Variants in FMN1 observed in about 807,000 individuals in gnomAD.
FMN1 encodes formin-1.
FMN1 carries 110 observed loss-of-function variants against 132.4 expected under a neutral mutation model. The observed-to-expected ratio is 0.83, with a 90% CI of 0.71 to 0.97. FMN1 has a LOEUF of 0.97. Ranked by LOEUF, FMN1 falls within the 50% of genes least tolerant of loss-of-function variation. The pLI is 0.00. For missense variants in FMN1, 1,792 were observed against 1,705.3 expected, an observed-to-expected ratio of 1.05 and a Z score of -0.90; for synonymous variants, 722 against 651.7, an observed-to-expected ratio of 1.11 and a Z score of -1.64.
At chr15:33,149,940 C>T in intron 4 of FMN1, 2 of 984,596 alleles carry the variant, frequency 2.0e-6, no homozygotes, top group Non-Finnish European at 2.4e-6. Flanking sequence ...TCATGTATGC[C>T]TCTTAACTCT....
At chr15:33,118,669 T>C (rs1000536407) in intron 4 of FMN1, among the ~76,000 whole-genome samples, 2 of 152,102 alleles carry the variant, frequency 1.3e-5, no homozygotes, top group African/African-American at 4.8e-5. Context: ...AAATATTAAA[T>C]ACAAAAAGCA....
In FMN1 at chr15:33,121,315, G is replaced by T. The variant is rs537797099; in HGVS notation, c.1867+31733C>A. 9.7e-4 allele frequency among the ~76,000 whole-genome samples: 147 copies of T among 152,254 alleles called. No individual in the cohort carries two copies. The Middle Eastern group carries it at 0.01, about 11-fold the overall frequency. Reference sequence around the variant, plus strand: ...CAATGACCAATTACTTTGTACCTCTGCTCCCTCAGACCACATGGCGGATTC... The same window carrying T: ...CAATGACCAATTACTTTGTACCTCTTCTCCCTCAGACCACATGGCGGATTC... On this transcript the variant is annotated intron_variant, in intron 4 of 20. Coordinates refer to ENST00000616417, the MANE Select transcript of FMN1 (RefSeq NM_001277313.2).
At chr15:33,127,121 C>A (rs12910096) in intron 4 of FMN1, among the ~76,000 whole-genome samples, 15,846 of 152,196 alleles carry the variant, frequency 0.1, 879 homozygotes, top group Middle Eastern at 0.16. Context: ...GAGATAGCAT[C>A]CTGTTAACAA....
chr15:32,790,787 C>G (rs2057049523), intron 19 of FMN1, among the ~76,000 whole-genome samples: 1 of 152,214 alleles, frequency 6.6e-6, no homozygotes, highest in South Asian at 2.1e-4. Flanking sequence ...CTTTCAATAT[C>G]CAGCTGTGCG....
chr15:33,141,246 A>G (rs1352597159), intron 4 of FMN1, among the ~76,000 whole-genome samples: 3 of 152,132 alleles, frequency 2.0e-5, no homozygotes, highest in South Asian at 2.1e-4. Context: ...TAATCCTTCC[A>G]TATTTTCTTC....
intron 9 of FMN1, among the ~76,000 whole-genome samples, chr15:32,946,869 T>C (rs1014927369): frequency 1.3e-5 from 2 of 152,196 alleles, no homozygotes; most frequent in Non-Finnish European, 2.9e-5. Flanking sequence ...GCATGATCTG[T>C]AATTCCATCT....
At chr15:32,966,640 T>C (rs1000980279) in intron 8 of FMN1, among the ~76,000 whole-genome samples, 1 of 151,998 alleles carries the variant, frequency 6.6e-6, no homozygotes, top group Non-Finnish European at 1.5e-5. Flanking sequence ...AGAAAAAAAA[T>C]CAGTTCATAC....
chr15:32,943,400 G>A (rs1481445106), intron 9 of FMN1, among the ~76,000 whole-genome samples: 8 of 152,064 alleles, frequency 5.3e-5, no homozygotes, highest in Admixed American at 4.6e-4. Context: ...ATCAATACTC[G>A]CTGAATTCCA....
intron 7 of FMN1, 94 bp downstream of exon 7, chr15:33,007,920 A>C: frequency 9.3e-7 from 1 of 1,078,236 alleles, no homozygotes; most frequent in Non-Finnish European, 1.4e-6. Context: ...TGTCTAGTTT[A>C]ACACTTCAAC....
At chr15:33,044,527 A>G (rs1176932890) in intron 6 of FMN1, among the ~76,000 whole-genome samples, 1 of 152,170 alleles carries the variant, frequency 6.6e-6, no homozygotes, top group African/African-American at 2.4e-5. Flanking sequence ...ACTACCCACC[A>G]AAGGGTCTCC....
At position 32,994,212 on chromosome 15, in the gene FMN1, C is replaced by CCTCTCTCTCTCTCTCTCTCTCTCT. The variant is rs771176022; in HGVS notation, c.2223+13801_2223+13802insAGAGAGAGAGAGAGAGAGAGAGAG. The stretch of plus-strand genomic sequence containing the variant: ...AATAAATTGTTGAATAGAACTCATT[C>CCTCTCTCTCTCTCTCTCTCTCTCT]CTCTCTCTCTCTCTCTCTCTCACAC... On this transcript the variant is annotated intron_variant, in intron 7 of 20. Transcript: ENST00000616417. 2.5e-3 allele frequency among the ~76,000 whole-genome samples: 361 copies of CCTCTCTCTCTCTCTCTCTCTCTCT among 146,436 alleles called. 1 individual carries two copies. Among genetic ancestry groups the CCTCTCTCTCTCTCTCTCTCTCTCT allele is most frequent in the Non-Finnish European group, 4.3e-3 (283 of 65,910 alleles).
Position 33,115,496 on chromosome 15 carries a change from C to T in FMN1, c.1868-26522G>A, listed in dbSNP as rs140674936. ...AAACTGGATTTCATCCTTAAGCCCC[C>T]CCCCCCCACACACACACGCACACAC... is the stretch of plus-strand genomic sequence containing the variant. On this transcript the variant is annotated intron_variant, in intron 4 of 20. Coordinates refer to ENST00000616417, the MANE Select transcript of FMN1 (RefSeq NM_001277313.2). 2.3e-4 allele frequency among the ~76,000 whole-genome samples: 32 copies of T among 141,740 alleles called. 1 individual carries two copies. Among genetic ancestry groups the T allele is most frequent in the African/African-American group, 8.6e-4 (32 of 37,164 alleles). The allele number at this position is 141,740 out of a possible 152,430, so 93.0% of individuals were successfully genotyped here.
At chr15:32,945,647 CATATGTCTTTGATATGATA>C (rs1239155960) in intron 9 of FMN1, among the ~76,000 whole-genome samples, 5 of 152,128 alleles carry the variant, frequency 3.3e-5, no homozygotes, top group African/African-American at 1.2e-4. Flanking sequence ...TCAATGTCAT[CATATGTCTTTGATATGATA>C]ATCATTGCAT....
chr15:32,890,662 C>T (rs1214490883), intron 15 of FMN1, among the ~76,000 whole-genome samples: 1 of 152,100 alleles, frequency 6.6e-6, no homozygotes, highest in African/African-American at 2.4e-5. Flanking sequence ...GGATACTAGT[C>T]CTTTGTCAGA....
intron 4 of FMN1, among the ~76,000 whole-genome samples, chr15:33,116,475 T>C (rs2039930123): frequency 6.6e-6 from 1 of 152,208 alleles, no homozygotes; most frequent in Non-Finnish European, 1.5e-5. Flanking sequence ...TATCCGACCA[T>C]GCGGCAGCCC....
At chr15:33,102,664 T>G (rs345785) in intron 4 of FMN1, among the ~76,000 whole-genome samples, 57,969 of 151,978 alleles carry the variant, frequency 0.38, 12,617 homozygotes, top group East Asian at 0.69. Context: ...GCCTCGTGGG[T>G]TATATATGAC....
At chr15:32,838,312 T>C (rs1351329650) in intron 17 of FMN1, among the ~76,000 whole-genome samples, 1 of 151,820 alleles carries the variant, frequency 6.6e-6, no homozygotes, top group Non-Finnish European at 1.5e-5. Flanking sequence ...GGCCAATGTA[T>C]GGAAAAAGAG....
intron 4 of FMN1, among the ~76,000 whole-genome samples, chr15:33,103,079 T>C (rs921540131): frequency 1.3e-5 from 2 of 152,134 alleles, no homozygotes; most frequent in East Asian, 3.9e-4. Flanking sequence ...GTGCCTGTGT[T>C]TAGTAGATAT....
chr15:32,933,127 C>T (rs1258169904), intron 9 of FMN1, among the ~76,000 whole-genome samples: 1 of 152,076 alleles, frequency 6.6e-6, no homozygotes, highest in African/African-American at 2.4e-5. Flanking sequence ...TAAAACCTTA[C>T]TCTTAGTACT....
Sources: allele counts gnomAD v4.1 joint callset (sites outside exome capture counted in the v4.1 genomes callset), GRCh38; gene constraint gnomAD v4.1.1; transcripts MANE v1.5; gene names NCBI Gene and HGNC (gene_info 2026-07-23, HGNC 2026-07-21).